RETREG1: variants seen among roughly 807,000 people sequenced by gnomAD.
RETREG1 encodes the protein reticulophagy regulator 1, also known as family with sequence similarity 134 member B.
A neutral mutation model predicts 54.8 loss-of-function variants in RETREG1; 44 were observed. That is an observed-to-expected ratio of 0.80 (90% confidence interval 0.63 to 1.03). The LOEUF (loss-of-function observed/expected upper bound fraction) is 1.03, where lower values mean the gene tolerates loss of function less well. RETREG1 is among the 50% of genes least tolerant of loss of function. RETREG1 has a pLI of 0.00. For synonymous variants in RETREG1, 217 were observed against 238.5 expected, an observed-to-expected ratio of 0.91 and a Z score of 0.83; for missense variants, 554 against 605.1, an observed-to-expected ratio of 0.92 and a Z score of 0.89.
intron 1 of RETREG1, among the ~76,000 whole-genome samples, chr5:16,591,258 C>T (rs1742765450): frequency 6.6e-6 from 1 of 152,074 alleles, no homozygotes; most frequent in African/African-American, 2.4e-5. Context: ...TTTTGTAACT[C>T]AATAGGAGAA....
intron 3 of RETREG1, among the ~76,000 whole-genome samples, chr5:16,563,089 G>A (rs771220399): frequency 6.6e-6 from 1 of 152,060 alleles, no homozygotes; most frequent in Admixed American, 6.6e-5. Context: ...ACGCCTGTGT[G>A]AGAGAACCAA....
At chr5:16,570,763 A>T (rs1019413317) in intron 2 of RETREG1, among the ~76,000 whole-genome samples, 1 of 152,218 alleles carries the variant, frequency 6.6e-6, no homozygotes, top group Non-Finnish European at 1.5e-5. Context: ...CAGCCTGGAT[A>T]CGTGTGTGGT....
chr5:16,523,226 T>C (rs1740593081), intron 3 of RETREG1, among the ~76,000 whole-genome samples: 1 of 152,148 alleles, frequency 6.6e-6, no homozygotes. Context: ...GGACTTGGCT[T>C]GTACTTTGCT....
rs901268406 is a variant in RETREG1 at position 16,585,737 on chromosome 5, C to G, written c.321-13635G>C. Reference sequence around the variant, plus strand: ...AGGAAGCATGGGGTCAGCATCTGCTCGGCTTCTCATGAGGCCTCAGAAAGC... The same window carrying G: ...AGGAAGCATGGGGTCAGCATCTGCTGGGCTTCTCATGAGGCCTCAGAAAGC... On this transcript the variant is annotated intron_variant, in intron 1 of 8. Coordinates refer to ENST00000306320, the MANE Select transcript of RETREG1 (RefSeq NM_001034850.3). The surrounding 1 kb of genome is among the most constrained non-coding windows in gnomAD (Gnocchi z 4.5). 2.0e-5 allele frequency among the ~76,000 whole-genome samples: 3 copies of G among 152,104 alleles called. No homozygotes were observed. Among genetic ancestry groups the G allele is most frequent in the Admixed American group, 2.0e-4 (3 of 15,270 alleles).
intron 3 of RETREG1, among the ~76,000 whole-genome samples, chr5:16,550,060 T>C (rs1741488900): frequency 1.3e-5 from 2 of 152,184 alleles, no homozygotes; most frequent in Non-Finnish European, 2.9e-5. Context: ...CTCTCCCAGT[T>C]GTTCAGGTAT....
intron 2 of RETREG1, among the ~76,000 whole-genome samples, chr5:16,568,273 A>G (rs1425206044): frequency 1.4e-5 from 1 of 72,100 alleles, no homozygotes; most frequent in Admixed American, 1.5e-4. Flanking sequence ...GATATCACTG[A>G]CTTTTTTTTT....
In RETREG1 at chr5:16,475,318, A is replaced by T. The variant is rs985107926; in HGVS notation, c.1001-84T>A. 20 of 1,505,826 alleles carry T rather than the reference A, an allele frequency of 1.3e-5. No individual in the cohort carries two copies. The Admixed American group carries it at 3.6e-4, about 27-fold the overall frequency. The allele number at this position is 1,505,826 out of a possible 1,614,324, so 93.3% of individuals were successfully genotyped here. On this transcript the variant is annotated intron_variant, in intron 8 of 8. Transcript: ENST00000306320. ...TGCTGTCTAAAGATATCTGACTTTA[A>T]TCTGAACCCTCTGGCAACCTTGGCA... is the stretch of plus-strand genomic sequence containing the variant.
chr5:16,610,375 G>A (rs1743302904), intron 1 of RETREG1, among the ~76,000 whole-genome samples: 1 of 152,140 alleles, frequency 6.6e-6, no homozygotes, highest in Non-Finnish European at 1.5e-5. Flanking sequence ...AATGCCACAG[G>A]CACTAAGGAA....
chr5:16,530,961 A>C (rs981854473), intron 3 of RETREG1, among the ~76,000 whole-genome samples: 2 of 152,168 alleles, frequency 1.3e-5, no homozygotes, highest in Non-Finnish European at 2.9e-5. Context: ...TCAGAATTTC[A>C]ACATAAGGAA....
intron 3 of RETREG1, among the ~76,000 whole-genome samples, chr5:16,547,781 A>G (rs1741428156): frequency 6.6e-6 from 1 of 152,214 alleles, no homozygotes; most frequent in Non-Finnish European, 1.5e-5. Flanking sequence ...ATCTGCCAAC[A>G]ATTTTATAAT....
chr5:16,492,289 G>T (rs780064417), intron 3 of RETREG1, among the ~76,000 whole-genome samples: 23 of 148,952 alleles, frequency 1.5e-4, no homozygotes, highest in Non-Finnish European at 2.4e-4. Flanking sequence ...ACATCCTTAT[G>T]AATTTATAGT....
Position 16,593,257 on chromosome 5 carries a change from C to T in RETREG1, c.321-21155G>A, listed in dbSNP as rs559338285. ...GATGTGTTTTCCTTTCAGAGCACGC[C>T]TTCTGACTCCCACTTGTATGCTGGT... is the stretch of plus-strand genomic sequence containing the variant. On this transcript the variant is annotated intron_variant, in intron 1 of 8. Coordinates refer to ENST00000306320, the MANE Select transcript of RETREG1 (RefSeq NM_001034850.3). This position sits in a 1 kb window ranked among gnomAD's most constrained non-coding sequence, Gnocchi z 4.9. Among the ~76,000 whole-genome samples the T allele has an allele frequency of 6.6e-6, 1 of 152,194 alleles. No homozygotes were observed. The highest frequency in any genetic ancestry group is 2.4e-5 in the African/African-American group (1 of 41,530).
intron 2 of RETREG1, among the ~76,000 whole-genome samples, chr5:16,569,068 G>A (rs570135754): frequency 4.6e-5 from 7 of 152,194 alleles, no homozygotes; most frequent in East Asian, 1.9e-4. Context: ...TGGATCTAAC[G>A]TGAAGCCAAA....
chr5:16,528,745 C>T (rs1740815567), intron 3 of RETREG1, among the ~76,000 whole-genome samples: 1 of 152,166 alleles, frequency 6.6e-6, no homozygotes, highest in South Asian at 2.1e-4. Context: ...GCATGAACTG[C>T]TTGACATATT....
Position 16,561,571 on chromosome 5 carries a change from C to T in RETREG1, c.458+4192G>A, listed in dbSNP as rs1741857106. Among the ~76,000 whole-genome samples, 1 of 152,022 alleles carries T rather than the reference C, an allele frequency of 6.6e-6. No homozygotes were observed. Among genetic ancestry groups the T allele is most frequent in the Non-Finnish European group, 1.5e-5 (1 of 67,984 alleles). On this transcript the variant is annotated intron_variant, in intron 3 of 8. Transcript: ENST00000306320. The surrounding 1 kb of genome is among the most constrained non-coding windows in gnomAD (Gnocchi z 4.2). ...AATAAATGGTATTTCCAGTAGCCTG[C>T]CTTCTCTGGGACATGTGAGCACTTC...
At chr5:16,483,266 C>A (rs1738882333) in intron 4 of RETREG1, 80 bp downstream of exon 4, 2 of 1,491,998 alleles carry the variant, frequency 1.3e-6, no homozygotes, top group Non-Finnish European at 1.9e-6. Context: ...AGAAATCTGA[C>A]AAGCTGATAA....
At chr5:16,480,093 A>G (rs1232062409) in intron 5 of RETREG1, among the ~76,000 whole-genome samples, 1 of 152,102 alleles carries the variant, frequency 6.6e-6, no homozygotes, top group Non-Finnish European at 1.5e-5. Flanking sequence ...ACCAGTAGAC[A>G]TGAAGTTTTC....
At chr5:16,552,506 A>T (rs1741572602) in intron 3 of RETREG1, among the ~76,000 whole-genome samples, 1 of 152,230 alleles carries the variant, frequency 6.6e-6, no homozygotes, top group Non-Finnish European at 1.5e-5. Flanking sequence ...AACTCAAAGT[A>T]CCATTTAGTT....
intron 1 of RETREG1, among the ~76,000 whole-genome samples, chr5:16,604,086 T>C (rs994838047): frequency 2.0e-4 from 31 of 152,224 alleles, no homozygotes; most frequent in South Asian, 2.1e-4. Flanking sequence ...CAGATGGAGA[T>C]AGCAAGCTCT....
Sources: gnomAD v4.1 joint callset for allele counts (sites outside exome capture counted in the v4.1 genomes callset) on GRCh38, gnomAD v4.1.1 for gene constraint, Gnocchi (gnomAD v3.1) non-coding constraint, MANE v1.5 for transcripts, NCBI Gene and HGNC (gene_info 2026-07-23, HGNC 2026-07-21) for gene names.